Variants in LCORL observed in about 807,000 individuals in gnomAD.
LCORL encodes the protein ligand dependent nuclear receptor corepressor like.
Under a neutral mutation model 141.8 loss-of-function variants are expected in LCORL, and 41 were observed. That is an observed-to-expected ratio of 0.29 (90% CI 0.23 to 0.38). The LOEUF (loss-of-function observed/expected upper bound fraction) is 0.38. Among genes scored for constraint, LCORL ranks in the 10% least tolerant of loss-of-function variants. The pLI is 1.00. For missense variants in LCORL, 1,759 were observed against 2,035.0 expected, an observed-to-expected ratio of 0.86 and a Z score of 2.61; for synonymous variants, 618 against 694.1, an observed-to-expected ratio of 0.89 and a Z score of 1.72.
chr4:18,000,279 G>C (rs1469253247), intron 1 of LCORL, among the ~76,000 whole-genome samples: 1 of 150,790 alleles, frequency 6.6e-6, no homozygotes. Context: ...CTTTGAACTT[G>C]GTGAGAAAAA....
At chr4:18,011,251 T>C (rs1432748951) in intron 1 of LCORL, among the ~76,000 whole-genome samples, 1 of 152,186 alleles carries the variant, frequency 6.6e-6, no homozygotes, top group Non-Finnish European at 1.5e-5. Flanking sequence ...CCAAGCAGAA[T>C]GTCTTAATAC....
intron 1 of LCORL, among the ~76,000 whole-genome samples, chr4:18,003,712 T>A (rs1722345601): frequency 6.6e-6 from 1 of 152,198 alleles, no homozygotes; most frequent in Admixed American, 6.5e-5. Flanking sequence ...TAAGATGTAA[T>A]CACTATATGT....
exon 7 of LCORL, chr4:17,874,779 T>C (rs1726736573): frequency 8.1e-7 from 1 of 1,233,848 alleles, no homozygotes; most frequent in African/African-American, 1.5e-5. Context: ...AGGTACTAAT[T>C]TATTATCTTC....
chr4:17,887,324 C>G (rs1167831532), intron 5 of LCORL, among the ~76,000 whole-genome samples: 1 of 151,998 alleles, frequency 6.6e-6, no homozygotes, highest in East Asian at 1.9e-4. Context: ...ACCACTACCA[C>G]CAGCAATTAT....
intron 7 of LCORL, among the ~76,000 whole-genome samples, chr4:17,869,746 T>C (rs1024524257): frequency 1.3e-5 from 2 of 152,130 alleles, no homozygotes; most frequent in African/African-American, 4.8e-5. Flanking sequence ...GGGAAACAGA[T>C]CCGTATGTTT....
intron 4 of LCORL, among the ~76,000 whole-genome samples, chr4:17,927,759 C>G (rs141640487): frequency 5.8e-4 from 89 of 152,218 alleles, no homozygotes; most frequent in Non-Finnish European, 1.1e-3. Context: ...AAAATAATTA[C>G]AATCATAACA....
At chr4:17,999,009 CATATAT>C (rs146713785) in intron 1 of LCORL, among the ~76,000 whole-genome samples, 3,287 of 98,584 alleles carry the variant, frequency 0.033, 93 homozygotes, top group East Asian at 0.14. Context: ...TATATACACA[CATATAT>C]ATATATATAT....
intron 4 of LCORL, among the ~76,000 whole-genome samples, chr4:17,961,250 C>G (rs1713729092): frequency 2.0e-5 from 3 of 151,878 alleles, no homozygotes; most frequent in Admixed American, 1.3e-4. Flanking sequence ...CAGCCAAGAA[C>G]AAAACATGAA....
intron 4 of LCORL, among the ~76,000 whole-genome samples, chr4:17,922,916 C>T (rs1419302684): frequency 6.6e-6 from 1 of 152,184 alleles, no homozygotes; most frequent in East Asian, 1.9e-4. Flanking sequence ...ATCAGCATTT[C>T]CACCTTTGTC....
At chr4:17,896,929 T>C (rs916418931) in intron 5 of LCORL, among the ~76,000 whole-genome samples, 5 of 152,064 alleles carry the variant, frequency 3.3e-5, no homozygotes, top group African/African-American at 9.7e-5. Flanking sequence ...ATGAGTTCAA[T>C]TGCTTTAATT....
intron 1 of LCORL, among the ~76,000 whole-genome samples, chr4:17,992,037 G>A (rs969433081): frequency 1.1e-4 from 16 of 152,188 alleles, no homozygotes; most frequent in African/African-American, 1.7e-4. Flanking sequence ...TTCAGAGTAC[G>A]TACCATAACG....
intron 4 of LCORL, chr4:17,912,924 A>G: frequency 2.1e-6 from 1 of 470,276 alleles, no homozygotes; most frequent in South Asian, 1.8e-5. Context: ...GCCACCGGAT[A>G]GTGGATGGCA....
At chr4:17,862,019 T>C (rs935702566) in intron 7 of LCORL, among the ~76,000 whole-genome samples, 1 of 152,242 alleles carries the variant, frequency 6.6e-6, no homozygotes, top group Non-Finnish European at 1.5e-5. Flanking sequence ...CACATTTTTC[T>C]GTCTTCTTCT....
At chr4:17,848,944 A>G (rs1723275095) in intron 7 of LCORL, among the ~76,000 whole-genome samples, 1 of 152,192 alleles carries the variant, frequency 6.6e-6, no homozygotes, top group African/African-American at 2.4e-5. Flanking sequence ...CAGCAGTCTG[A>G]GATCAAACTG....
At chr4:17,900,593 T>G (rs1019677001) in intron 5 of LCORL, among the ~76,000 whole-genome samples, 31 of 152,028 alleles carry the variant, frequency 2.0e-4, no homozygotes, top group African/African-American at 5.8e-4. Context: ...ACAGGCATAT[T>G]TGGAAAAAGT....
chr4:17,907,794 T>C (rs547398071), intron 5 of LCORL, among the ~76,000 whole-genome samples: 15 of 152,316 alleles, frequency 9.8e-5, no homozygotes, highest in South Asian at 6.2e-4. Context: ...TCTTCTTCCA[T>C]TGTAGCCCGG....
intron 6 of LCORL, chr4:17,881,884 G>A (rs1727620386): frequency 2.0e-6 from 2 of 983,074 alleles, no homozygotes; most frequent in Middle Eastern, 1.0e-3. Flanking sequence ...AATAATGCAA[G>A]TTCTGGCCCT....
At chr4:17,931,638 T>C (rs1031410470) in intron 4 of LCORL, among the ~76,000 whole-genome samples, 13 of 152,150 alleles carry the variant, frequency 8.5e-5, no homozygotes, top group Admixed American at 2.0e-4. Flanking sequence ...TTGTTATTGA[T>C]GTCCATCTTT....
At chr4:17,894,844 G>A (rs992714096) in intron 5 of LCORL, among the ~76,000 whole-genome samples, 5 of 151,992 alleles carry the variant, frequency 3.3e-5, no homozygotes, top group Non-Finnish European at 5.9e-5. Context: ...GTTTAGATCC[G>A]TGTTCAACAT....
Sources: allele counts gnomAD v4.1 joint callset (sites outside exome capture counted in the v4.1 genomes callset), GRCh38; gene constraint gnomAD v4.1.1; transcripts MANE v1.5; gene names NCBI Gene and HGNC (gene_info 2026-07-23, HGNC 2026-07-21).